ANKRD36C: variants seen among roughly 807,000 people sequenced by gnomAD.
ANKRD36C encodes ankyrin repeat domain 36C, also known as ankyrin repeat domain-containing protein 36C.
In ANKRD36C, 61 loss-of-function variants were observed where a neutral mutation model predicts 276.4. That is an observed-to-expected ratio of 0.22 (90% confidence interval 0.18 to 0.27). The LOEUF (loss-of-function observed/expected upper bound fraction) is 0.27, where lower values mean the gene tolerates loss of function less well. Among genes scored for constraint, ANKRD36C ranks in the 10% least tolerant of loss-of-function variants. The pLI is 1.00. For missense variants in ANKRD36C, 1,447 were observed against 2,032.3 expected, an observed-to-expected ratio of 0.71 and a Z score of 5.54; for synonymous variants, 483 against 680.1, an observed-to-expected ratio of 0.71 and a Z score of 4.51.
At position 95,930,756 on chromosome 2, in the gene ANKRD36C, A is replaced by G. The variant is rs533537354; in HGVS notation, c.1736-1489T>C. 2.9e-4 allele frequency among the ~76,000 whole-genome samples: 44 copies of G among 151,508 alleles called. 1 individual carries two copies. Among genetic ancestry groups the G allele is most frequent in the Middle Eastern group, 6.8e-3 (2 of 294 alleles). ...CCTTTTTTTTAAAATCTAGTTTCAC[A>G]TGATATACCATCGGGGTCTCTCAGG... On this transcript the variant is annotated intron_variant, in intron 24 of 66. Transcript: ENST00000456556.
At position 95,889,995 on chromosome 2, in the gene ANKRD36C, C is replaced by T; in HGVS notation, c.2858-1G>A. ...AAGGCTGGTTGTTTATGAGAAGACACTGAAAAGCAAAAAGGATACATAATC... is the reference window on the plus strand; with the variant it reads ...AAGGCTGGTTGTTTATGAGAAGACATTGAAAAGCAAAAAGGATACATAATC... On this transcript the variant is annotated splice_acceptor_variant, in intron 46 of 66. Transcript: ENST00000456556. LOFTEE classifies it high-confidence loss of function. 6.2e-7 allele frequency: 1 copy of T among 1,608,546 alleles called. No homozygotes were observed.
chr2:95,866,401 T>A (rs1276501891), intron 60 of ANKRD36C, among the ~76,000 whole-genome samples: 1 of 152,026 alleles, frequency 6.6e-6, no homozygotes, highest in East Asian at 1.9e-4. Flanking sequence ...AGTAATAGTA[T>A]CCAAATACAT....
chr2:95,935,006 A>C (rs1476925771), intron 24 of ANKRD36C, among the ~76,000 whole-genome samples: 6 of 151,712 alleles, frequency 4.0e-5, no homozygotes, highest in Non-Finnish European at 5.9e-5. Flanking sequence ...TGGTAATCAG[A>C]GCATGTGATT....
At chr2:95,953,383 C>T (rs941666157) in intron 14 of ANKRD36C, among the ~76,000 whole-genome samples, 1 of 151,900 alleles carries the variant, frequency 6.6e-6, no homozygotes, top group Non-Finnish European at 1.5e-5. Flanking sequence ...TCCACAATTT[C>T]TAATATTATT....
chr2:95,971,922 T>G (rs986187618), intron 6 of ANKRD36C, among the ~76,000 whole-genome samples: 2 of 152,170 alleles, frequency 1.3e-5, no homozygotes, highest in Non-Finnish European at 2.9e-5. Context: ...TTCACCAAAA[T>G]TCCAAAATCT....
At chr2:95,949,867 T>C (rs375581275) in intron 16 of ANKRD36C, among the ~76,000 whole-genome samples, 883 of 137,512 alleles carry the variant, frequency 6.4e-3, no homozygotes, top group South Asian at 0.019. Flanking sequence ...TATAGGAAAA[T>C]GGGGACTATT....
Position 95,919,252 on chromosome 2 carries a change from C to T in ANKRD36C, c.2246-1210G>A, listed in dbSNP as rs1157229805. ...AATAACTTCTTTTCCCTCCTTCCTG[C>T]CTGACAATCCATCATCCTTGGGAAA... On this transcript the variant is annotated intron_variant, in intron 34 of 66. Coordinates refer to ENST00000456556, the Ensembl canonical transcript of ANKRD36C. 2.7e-4 allele frequency among the ~76,000 whole-genome samples: 36 copies of T among 133,110 alleles called. 4 individuals carry two copies. The highest frequency in any genetic ancestry group is 4.7e-4 in the South Asian group (2 of 4,296). The allele number at this position is 133,110 out of a possible 152,430, so 87.3% of individuals were successfully genotyped here.
intron 48 of ANKRD36C, among the ~76,000 whole-genome samples, chr2:95,888,730 G>T (rs2104341830): frequency 6.6e-6 from 1 of 151,652 alleles, no homozygotes; most frequent in African/African-American, 2.4e-5. Context: ...TAAGTTTCTT[G>T]TATCCACTCG....
exon 60 of ANKRD36C, chr2:95,867,561 A>G (rs1447458592): frequency 6.9e-7 from 1 of 1,443,484 alleles, no homozygotes; most frequent in East Asian, 2.5e-5. Context: ...GGTCATCCCT[A>G]GAATGTATTT....
intron 1 of ANKRD36C, among the ~76,000 whole-genome samples, chr2:95,991,222 C>A (rs1019979647): frequency 2.5e-5 from 3 of 122,270 alleles, no homozygotes; most frequent in African/African-American, 6.4e-5. Context: ...CCACCCCACA[C>A]CCCCTACCCC....
chr2:95,912,117 G>C (rs1676946625), intron 42 of ANKRD36C, 127 bp downstream of exon 44: 1 of 1,347,552 alleles, frequency 7.4e-7, no homozygotes, highest in Non-Finnish European at 1.0e-6. Flanking sequence ...GAACTTATTA[G>C]AAATGAAGAA....
At chr2:95,872,942 A>G (rs1036848361) in intron 59 of ANKRD36C, among the ~76,000 whole-genome samples, 1 of 152,232 alleles carries the variant, frequency 6.6e-6, no homozygotes, top group Non-Finnish European at 1.5e-5. Flanking sequence ...TCCTGGAAAC[A>G]TACACCCTCC....
At chr2:95,890,124 T>C in intron 46 of ANKRD36C, 130 bp from the exon 67 acceptor site, 1 of 1,236,338 alleles carries the variant, frequency 8.1e-7, no homozygotes. Context: ...GCTTCTATAT[T>C]GTGTCGGGGA....
chr2:95,926,233 T>C (rs1467377774), intron 28 of ANKRD36C, among the ~76,000 whole-genome samples: 1 of 151,608 alleles, frequency 6.6e-6, no homozygotes. Flanking sequence ...ATAAACCTTA[T>C]CAAAAAGTAT....
At chr2:95,939,779 A>G (rs1476407064) in intron 20 of ANKRD36C, among the ~76,000 whole-genome samples, 1 of 152,310 alleles carries the variant, frequency 6.6e-6, no homozygotes, top group East Asian at 1.9e-4. Context: ...ATTAGTTTAG[A>G]TATCTACTTG....
At chr2:95,927,559 C>T (rs75333649) in intron 26 of ANKRD36C, 150 bp from the exon 27 acceptor site, 24 of 1,311,706 alleles carry the variant, frequency 1.8e-5, no homozygotes, top group South Asian at 7.5e-5. Flanking sequence ...GACTGGAACA[C>T]GACAGAAATA....
At chr2:95,911,925 T>C (rs1391393709) in intron 42 of ANKRD36C, among the ~76,000 whole-genome samples, 2 of 151,458 alleles carry the variant, frequency 1.3e-5, no homozygotes, top group East Asian at 2.0e-4. Flanking sequence ...GTACTTCCTA[T>C]CTTTCTCCTT....
At chr2:95,884,112 GGAAGA>G in intron 54 of ANKRD36C, 56 bp downstream of exon 74, 1 of 1,524,028 alleles carries the variant, frequency 6.6e-7, no homozygotes, top group Non-Finnish European at 8.9e-7. Flanking sequence ...GATTTATTTG[GGAAGA>G]GAAGTTCTTT....
intron 6 of ANKRD36C, among the ~76,000 whole-genome samples, chr2:95,975,116 A>G (rs79882957): frequency 2.6e-5 from 4 of 152,034 alleles, no homozygotes; most frequent in African/African-American, 4.8e-5. Context: ...CCACTGCTCA[A>G]TGAAATAAAA....
Sources: allele counts gnomAD v4.1 joint callset (sites outside exome capture counted in the v4.1 genomes callset), GRCh38; gene constraint gnomAD v4.1.1; transcripts MANE v1.5; gene names NCBI Gene and HGNC (gene_info 2026-07-23, HGNC 2026-07-21).